The following TOP3A variants were observed in gnomAD, a reference collection of about 807,000 sequenced individuals.
TOP3A encodes DNA topoisomerase III alpha, also known as DNA topoisomerase 3-alpha.
A neutral mutation model predicts 111.3 loss-of-function variants in TOP3A; 64 were observed. The observed-to-expected ratio is 0.57, with a 90% CI of 0.47 to 0.71. The LOEUF is 0.71. Among genes scored for constraint, TOP3A ranks in the 30% least tolerant of loss-of-function variants. The pLI, the probability that TOP3A is intolerant of heterozygous loss-of-function variation, is 0.00. For missense variants in TOP3A, 1,104 were observed against 1,285.0 expected (o/e 0.86, Z 2.15); for synonymous variants, 484 against 485.1 (o/e 1.00, Z 0.03).
At chr17:18,299,503 A>G (rs777637592) in intron 9 of TOP3A, 56 bp downstream of exon 9, 6 of 1,508,116 alleles carry the variant, frequency 4.0e-6, no homozygotes, top group East Asian at 4.5e-5. Flanking sequence ...GTAGAACCAC[A>G]GCCTCAAAAC....
At chr17:18,276,321 G>A (rs1315791372) in intron 18 of TOP3A, among the ~76,000 whole-genome samples, 2 of 152,194 alleles carry the variant, frequency 1.3e-5, no homozygotes, top group Admixed American at 6.5e-5. Context: ...AGGACAGTCA[G>A]TCAGCCAGCC....
rs140691769 is a variant in TOP3A, at chr17:18,278,072, A to C, written c.2430T>G (p.Ser810=). The change falls in exon 18 of 19, where the codon TCT becomes TCG. Residue 810 remains serine (S), a synonymous_variant. Coordinates refer to ENST00000321105, the MANE Select transcript of TOP3A (RefSeq NM_004618.5). ...PPPTAAGESN[S]VTCNCGQEAV... is the part of the protein sequence containing the mutation. The stretch of plus-strand genomic sequence containing the variant: ...CCTCCTGGCCACAGTTGCAGGTCAC[A>C]GAATTGCTTTCACCAGCAGCCGTGG... 11 of 1,614,238 alleles carry C rather than the reference A, an allele frequency of 6.8e-6. No individual in the cohort carries two copies. Among genetic ancestry groups the C allele is most frequent in the Admixed American group, 1.7e-5 (1 of 60,036 alleles).
At chr17:18,280,708 C>T (rs375167281) in intron 16 of TOP3A, 50 bp from the exon 17 acceptor site, 280 of 1,598,026 alleles carry the variant, frequency 1.8e-4, no homozygotes, top group Non-Finnish European at 2.2e-4. Flanking sequence ...AGATGCTCTC[C>T]GCTGTTGGCC....
Position 18,274,542 on chromosome 17 carries a change from G to T in TOP3A, c.*260C>A. ...AACAGCAACCATCCTTGGGGGGTCC[G>T]AGGGAGCAGCTGCGTGACTTTTCAG... On this transcript the variant is annotated 3_prime_UTR_variant, in exon 19 of 19. Transcript: ENST00000321105. The T allele has an allele frequency of 2.7e-6, 1 of 372,600 alleles. No homozygotes were observed. The highest frequency in any genetic ancestry group is 4.7e-6 in the Non-Finnish European group (1 of 213,564). 23.1% of individuals were successfully genotyped at this position (372,600 alleles called of 1,614,324 possible).
intron 7 of TOP3A, 59 bp downstream of exon 7, chr17:18,302,205 C>T: frequency 1.3e-6 from 2 of 1,535,568 alleles, no homozygotes; most frequent in Non-Finnish European, 1.8e-6. Flanking sequence ...TGCTCACAGT[C>T]CCCCTCCTTA....
At chr17:18,282,626 G>A (rs1979827567) in intron 16 of TOP3A, 72 bp downstream of exon 16, 10 of 1,590,846 alleles carry the variant, frequency 6.3e-6, no homozygotes, top group Admixed American at 1.7e-5. Flanking sequence ...TGAAATGGCA[G>A]GGTCTTTCGA....
chr17:18,290,053 A>G (rs568832109), intron 13 of TOP3A, among the ~76,000 whole-genome samples: 1 of 152,362 alleles, frequency 6.6e-6, no homozygotes. Context: ...ACATGAGGCC[A>G]GCGTGAGCAG....
At chr17:18,304,617 CAG>C (rs954584401) in intron 5 of TOP3A, among the ~76,000 whole-genome samples, 1 of 152,076 alleles carries the variant, frequency 6.6e-6, no homozygotes. Flanking sequence ...AAAAAGAAAA[CAG>C]AACATTTTAT....
chr17:18,274,805 T>G lies in TOP3A; in HGVS notation c.3003A>C (p.Arg1001Ser). The G allele has an allele frequency of 6.2e-7, 1 of 1,613,906 alleles. No individual in the cohort carries two copies. Among genetic ancestry groups the G allele is most frequent in the Admixed American group, 1.7e-5 (1 of 59,962 alleles). ...CGTTCTCTACCCTACCCTGAGCTCA[T>G]CTGTTCTGAGGACAAAAGGGACGGG... ...GHTRPFCPQN[R>S] The change falls in exon 19 of 19, where the codon AGA (arginine) becomes AGC (serine). Residue 1001 changes from arginine (R) to serine (S), a missense_variant. By Grantham distance (110) the Arg-to-Ser change is moderately radical. Transcript: ENST00000321105.
Position 18,299,543 on chromosome 17 carries a change from C to G in TOP3A, c.990+16G>C. 1 of 1,613,386 alleles carries G rather than the reference C, an allele frequency of 6.2e-7. No individual in the cohort carries two copies. Among genetic ancestry groups the G allele is most frequent in the Non-Finnish European group, 8.5e-7 (1 of 1,179,340 alleles). On this transcript the variant is annotated intron_variant, in intron 9 of 18. Coordinates refer to ENST00000321105, the MANE Select transcript of TOP3A (RefSeq NM_004618.5). Reference sequence around the variant, plus strand: ...AGTGTTCCCCGAGTGCCTGAAACAGCCTGTCTGGAACATACCACAGTGTCC... The same window carrying G: ...AGTGTTCCCCGAGTGCCTGAAACAGGCTGTCTGGAACATACCACAGTGTCC...
chr17:18,299,418 G>T, intron 9 of TOP3A, 141 bp downstream of exon 9: 1 of 761,308 alleles, frequency 1.3e-6, no homozygotes. Flanking sequence ...AAGCAGGACC[G>T]TGTCTTTCTC....
rs555523037 is a variant in TOP3A, at chr17:18,284,305, C to T, written c.1877+837G>A. The stretch of plus-strand genomic sequence containing the variant: ...GGGATTACAGGCGTGAGCCACCGTG[C>T]CTGACCCTTGTTTGGGGATTTTATG... On this transcript the variant is annotated intron_variant, in intron 15 of 18. Transcript: ENST00000321105. Among the ~76,000 whole-genome samples the T allele has an allele frequency of 2.4e-3, 360 of 152,118 alleles. 1 individual carries two copies. Among genetic ancestry groups the T allele is most frequent in the African/African-American group, 8.3e-3 (346 of 41,494 alleles).
chr17:18,288,697 T>A (rs1445295817), intron 13 of TOP3A, among the ~76,000 whole-genome samples: 2 of 152,202 alleles, frequency 1.3e-5, no homozygotes, highest in Non-Finnish European at 2.9e-5. Flanking sequence ...AGGCCTACCC[T>A]GCACTGGGCT....
intron 11 of TOP3A, among the ~76,000 whole-genome samples, chr17:18,292,144 A>T (rs1320513143): frequency 6.6e-6 from 1 of 152,274 alleles, no homozygotes; most frequent in African/African-American, 2.4e-5. Context: ...AGAAGCCTAC[A>T]GATGTAAACA....
chr17:18,308,124 A>T (rs1981692506), intron 3 of TOP3A, among the ~76,000 whole-genome samples: 1 of 149,290 alleles, frequency 6.7e-6, no homozygotes, highest in African/African-American at 2.5e-5. Flanking sequence ...AGGCAGGAGA[A>T]TCACTCGAAC....
At chr17:18,286,921 T>C (rs1980140214) in intron 13 of TOP3A, among the ~76,000 whole-genome samples, 1 of 152,108 alleles carries the variant, frequency 6.6e-6, no homozygotes, top group East Asian at 1.9e-4. Context: ...GTAGCTGGGA[T>C]TACAGGCGCC....
At chr17:18,284,476 C>T (rs1368958511) in intron 15 of TOP3A, among the ~76,000 whole-genome samples, 1 of 152,128 alleles carries the variant, frequency 6.6e-6, no homozygotes, top group Non-Finnish European at 1.5e-5. Flanking sequence ...ACAACCAGAC[C>T]GATCCCAAGG....
intron 13 of TOP3A, among the ~76,000 whole-genome samples, chr17:18,287,642 A>G (rs564057770): frequency 3.3e-5 from 5 of 152,046 alleles, no homozygotes; most frequent in Non-Finnish European, 7.4e-5. Context: ...CTTGAAACCC[A>G]GGGTTCATGG....
At chr17:18,300,945 C>T (rs1472592692) in intron 8 of TOP3A, among the ~76,000 whole-genome samples, 1 of 152,198 alleles carries the variant, frequency 6.6e-6, no homozygotes, top group African/African-American at 2.4e-5. Context: ...AGTCTCTTCA[C>T]TTTCTTTAGC....
Sources: gnomAD v4.1 joint callset for allele counts (sites outside exome capture counted in the v4.1 genomes callset) on GRCh38, gnomAD v4.1.1 for gene constraint, MANE v1.5 for transcripts, NCBI Gene and HGNC (gene_info 2026-07-23, HGNC 2026-07-21) for gene names.